The following PLEKHH1 variants were observed in gnomAD, a reference collection of about 807,000 sequenced individuals.
PLEKHH1 encodes the protein pleckstrin homology, MyTH4 and FERM domain containing H1.
A neutral mutation model predicts 160.0 loss-of-function variants in PLEKHH1; 104 were observed. That is an observed-to-expected ratio of 0.65 (90% CI 0.55 to 0.76). The LOEUF (loss-of-function observed/expected upper bound fraction) is 0.76, where lower values mean the gene tolerates loss of function less well. Ranked by LOEUF, PLEKHH1 falls within the 30% of genes least tolerant of loss-of-function variation. The probability of loss-of-function intolerance (pLI) is 0.00; values close to 1 mark genes in which losing one functional copy is unlikely to be tolerated. For synonymous variants in PLEKHH1, 619 were observed against 678.4 expected (o/e 0.91, Z 1.36); for missense variants, 1,427 against 1,724.1 (o/e 0.83, Z 3.05).
chr14:67,585,428 ATC>A, intron 26 of PLEKHH1, 138 bp from the exon 27 acceptor site: 1 of 654,762 alleles, frequency 1.5e-6, no homozygotes, highest in East Asian at 2.7e-5. Context: ...CTGTACAAAT[ATC>A]ATCTTTGTTT....
intron 26 of PLEKHH1, among the ~76,000 whole-genome samples, chr14:67,584,391 C>A (rs2036050408): frequency 6.6e-6 from 1 of 152,204 alleles, no homozygotes; most frequent in African/African-American, 2.4e-5. Context: ...GAAATAACAG[C>A]CCTCTCAAGA....
Position 67,579,207 on chromosome 14 carries a change from G to A in PLEKHH1, c.2923G>A (p.Ala975Thr). 6.2e-7 allele frequency: 1 copy of A among 1,611,552 alleles called. No individual in the cohort carries two copies. Among genetic ancestry groups the A allele is most frequent in the Non-Finnish European group, 8.5e-7 (1 of 1,179,130 alleles). The stretch of plus-strand genomic sequence containing the variant: ...GACCCTGCGGACCGGGGAGCGGGAA[G>A]CCAGGCCATCGCGCATGGAAGTGGT... ...ERTLRTGEREARPSRMEVVSI... is the reference protein window; with the variant it reads ...ERTLRTGERETRPSRMEVVSI... Residue 975 changes from alanine (A) to threonine (T), a missense_variant, in exon 21 of 29, where the codon GCC (alanine) becomes ACC (threonine). By Grantham distance (58) the Ala-to-Thr change is moderately conservative. Coordinates refer to ENST00000329153, the MANE Select transcript of PLEKHH1 (RefSeq NM_020715.3).
intron 2 of PLEKHH1, among the ~76,000 whole-genome samples, chr14:67,552,519 G>A (rs568892479): frequency 6.6e-6 from 1 of 152,198 alleles, no homozygotes; most frequent in South Asian, 2.1e-4. Context: ...TGTAATTCCA[G>A]CCCTTTGGGA....
Position 67,577,378 on chromosome 14 carries a change from T to C in PLEKHH1, c.2538T>C (p.Ser846=). Residue 846 remains serine, a synonymous_variant, in exon 18 of 29, where the codon TCT becomes TCC. Transcript: ENST00000329153. The part of the protein sequence containing the change: ...GLYASLTTLP[S]EALQTEALKL... ...ACGCCTCCCTCACCACCCTGCCCTC[T>C]GAGGCCTTGCAGACGGAGGCCCTCA... 1 of 1,591,334 alleles carries C rather than the reference T, an allele frequency of 6.3e-7. No individual in the cohort carries two copies.
At position 67,578,302 on chromosome 14, in the gene PLEKHH1, C is replaced by T; in HGVS notation, c.2751+103C>T. ...CTGGGCAGGTATACGGTGAGCCCAGCCAGCGGGCAGCCTCTGTGCTCCAAG... is the reference window on the plus strand; with the variant it reads ...CTGGGCAGGTATACGGTGAGCCCAGTCAGCGGGCAGCCTCTGTGCTCCAAG... On this transcript the variant is annotated intron_variant, in intron 19 of 28. Coordinates refer to ENST00000329153, the MANE Select transcript of PLEKHH1 (RefSeq NM_020715.3). This position sits in a 1 kb window ranked among gnomAD's most constrained non-coding sequence, Gnocchi z 5.0. 9.7e-7 allele frequency: 1 copy of T among 1,026,302 alleles called. No individual in the cohort carries two copies. The highest frequency in any genetic ancestry group is 1.5e-6 in the Non-Finnish European group (1 of 679,318). 63.6% of individuals were successfully genotyped at this position (1,026,302 alleles called of 1,614,324 possible). A position where few individuals can be genotyped will look rare whatever the true frequency, so the allele number is the denominator to read the frequency against.
intron 1 of PLEKHH1, among the ~76,000 whole-genome samples, chr14:67,541,018 T>C (rs557811411): frequency 2.4e-4 from 36 of 152,316 alleles, no homozygotes; most frequent in Middle Eastern, 6.8e-3. Context: ...TGTGGCTTTC[T>C]CCAGAGGTTG....
In PLEKHH1 at chr14:67,578,301, G is replaced by A; in HGVS notation, c.2751+102G>A. 1 of 1,044,552 alleles carries A rather than the reference G, an allele frequency of 9.6e-7. No individual in the cohort carries two copies. The highest frequency in any genetic ancestry group is 1.4e-6 in the Non-Finnish European group (1 of 694,768). The allele number at this position is 1,044,552 out of a possible 1,614,324, so 64.7% of individuals were successfully genotyped here. On this transcript the variant is annotated intron_variant, in intron 19 of 28. Transcript: ENST00000329153. The surrounding 1 kb of genome is among the most constrained non-coding windows in gnomAD (Gnocchi z 5.0). ...ACTGGGCAGGTATACGGTGAGCCCA[G>A]CCAGCGGGCAGCCTCTGTGCTCCAA... is the stretch of plus-strand genomic sequence containing the variant.
chr14:67,557,496 C>G, intron 4 of PLEKHH1, 78 bp downstream of exon 4: 1 of 1,382,078 alleles, frequency 7.2e-7, no homozygotes, highest in East Asian at 2.3e-5. Flanking sequence ...TGAGCTGTTC[C>G]GCTCAAGCCC....
At chr14:67,571,668 C>G in intron 9 of PLEKHH1, 84 bp from the exon 10 acceptor site, 1 of 1,454,594 alleles carries the variant, frequency 6.9e-7, no homozygotes, top group Non-Finnish European at 9.6e-7. Context: ...ACCATGGGCA[C>G]TTGGACCAGG....
At position 67,572,208 on chromosome 14, in the gene PLEKHH1, C is replaced by G. The variant is rs1347165561; in HGVS notation, c.1659C>G (p.Asp553Glu). 1.2e-6 allele frequency: 2 copies of G among 1,609,016 alleles called. No homozygotes were observed. Among genetic ancestry groups the G allele is most frequent in the Non-Finnish European group, 1.7e-6 (2 of 1,178,016 alleles). The change falls in exon 11 of 29, where the codon GAC becomes GAG. Residue 553 changes from aspartate (D) to glutamate (E), a missense_variant. Physicochemically the swap from Asp to Glu is conservative, Grantham distance 45 (BLOSUM62 2). Transcript: ENST00000329153. ...CGGACGCCTGCTCACTGGACAGTGA[C>G]TACTCAGAGCCTGAGCACAAACTGC... ...IPPDACSLDS[D>E]YSEPEHKLQR...
chr14:67,568,888 G>A, intron 7 of PLEKHH1: 1 of 458,060 alleles, frequency 2.2e-6, no homozygotes, highest in Non-Finnish European at 3.9e-6. Flanking sequence ...TTATATTCCA[G>A]GTGTTAAATG....
chr14:67,582,418 T>C lies in PLEKHH1; in HGVS notation c.3426+208T>C. The stretch of plus-strand genomic sequence containing the variant: ...TAGGATGCGTGCAGATGGCTGGACT[T>C]GGAATCCAGAGACCTGGGTTTGAGT... On this transcript the variant is annotated intron_variant, in intron 24 of 28. Transcript: ENST00000329153. This position sits in a 1 kb window ranked among gnomAD's most constrained non-coding sequence, Gnocchi z 5.0. 2 of 816,948 alleles carry C rather than the reference T, an allele frequency of 2.4e-6. No homozygotes were observed. The highest frequency in any genetic ancestry group is 3.8e-6 in the Non-Finnish European group (2 of 530,502). 50.6% of individuals were successfully genotyped at this position (816,948 alleles called of 1,614,324 possible). A position where few individuals can be genotyped will look rare whatever the true frequency, so the allele number is the denominator to read the frequency against.
intron 2 of PLEKHH1, among the ~76,000 whole-genome samples, chr14:67,554,045 G>A (rs7150000): frequency 0.07 from 10,591 of 152,104 alleles, 417 homozygotes; most frequent in East Asian, 0.13. Context: ...TGGGATCTTC[G>A]GATGAGCATA....
chr14:67,577,233 C>T (rs1007360908), intron 17 of PLEKHH1, 69 bp from the exon 18 acceptor site: 6 of 932,766 alleles, frequency 6.4e-6, no homozygotes, highest in African/African-American at 1.6e-5. Flanking sequence ...TTAAAGATGG[C>T]GGTGAGTGGG....
Position 67,573,843 on chromosome 14 carries a change from T to G in PLEKHH1, c.1882T>G (p.Ser628Ala). 1 of 1,613,740 alleles carries G rather than the reference T, an allele frequency of 6.2e-7. No individual in the cohort carries two copies. Among genetic ancestry groups the G allele is most frequent in the Non-Finnish European group, 8.5e-7 (1 of 1,179,684 alleles). ...ACCTCAAGGCCAAGTGGATCTGAAC[T>G]CCCGCTGCCAAATTGTTCGAGGGGA... ...RKPQGQVDLN[S>A]RCQIVRGEGS... The change falls in exon 13 of 29, where the codon TCC becomes GCC. Residue 628 changes from serine to alanine, a missense_variant. Transcript: ENST00000329153. This position sits in a 1 kb window ranked among gnomAD's most constrained non-coding sequence, Gnocchi z 4.8.
rs2035710998 is a variant in PLEKHH1 at position 67,578,076 on chromosome 14, T to C, written c.2628T>C (p.His876=). 6.2e-7 allele frequency: 1 copy of C among 1,613,930 alleles called. No individual in the cohort carries two copies. Among genetic ancestry groups the C allele is most frequent in the South Asian group, 1.1e-5 (1 of 91,078 alleles). ...TGGAAGCTGCCTCGGTGGACTACCA[T>C]GTGTCCCTGGCCCAGACCGCACTGC... ...VPVEAASVDY[H]VSLAQTALQV... Residue 876 remains histidine, a synonymous_variant, in exon 19 of 29, where the codon CAT becomes CAC. Transcript: ENST00000329153. This position sits in a 1 kb window ranked among gnomAD's most constrained non-coding sequence, Gnocchi z 5.0.
At chr14:67,554,197 T>C (rs2034505199) in intron 2 of PLEKHH1, among the ~76,000 whole-genome samples, 1 of 152,200 alleles carries the variant, frequency 6.6e-6, no homozygotes, top group Non-Finnish European at 1.5e-5. Flanking sequence ...ACTGCTTCCA[T>C]GTAACTTTCC....
At chr14:67,560,556 C>G (rs1359991297) in intron 5 of PLEKHH1, among the ~76,000 whole-genome samples, 1 of 152,190 alleles carries the variant, frequency 6.6e-6, no homozygotes, top group Non-Finnish European at 1.5e-5. Context: ...CTGGTAACCT[C>G]TATTCCACCT....
rs1485683001 is a variant in PLEKHH1 at position 67,576,934 on chromosome 14, C to CACACA, written c.2462-367_2462-363dup. 1.7e-4 allele frequency among the ~76,000 whole-genome samples: 26 copies of CACACA among 152,054 alleles called. No individual in the cohort carries two copies. The highest frequency in any genetic ancestry group is 2.4e-4 in the Non-Finnish European group (16 of 68,010). ...TGAGGAACTAATTAATGGCATATAC[C>CACACA]ACACACACCCCTTTACTACTGCTCT... On this transcript the variant is annotated intron_variant, in intron 17 of 28. Coordinates refer to ENST00000329153, the MANE Select transcript of PLEKHH1 (RefSeq NM_020715.3). This position sits in a 1 kb window ranked among gnomAD's most constrained non-coding sequence, Gnocchi z 4.0.
Sources: gnomAD v4.1 joint callset for allele counts (sites outside exome capture counted in the v4.1 genomes callset) on GRCh38, gnomAD v4.1.1 for gene constraint, Gnocchi (gnomAD v3.1) non-coding constraint, MANE v1.5 for transcripts, NCBI Gene and HGNC (gene_info 2026-07-23, HGNC 2026-07-21) for gene names.